Variants in MGRN1 observed in about 807,000 individuals in gnomAD.
The protein encoded by MGRN1 is E3 ubiquitin-protein ligase MGRN1.
MGRN1 carries 29 observed loss-of-function variants against 69.2 expected under a neutral mutation model. That is an observed-to-expected ratio of 0.42 (90% CI 0.31 to 0.57). The LOEUF (loss-of-function observed/expected upper bound fraction) is 0.57. Among genes scored for constraint, MGRN1 ranks in the 20% least tolerant of loss-of-function variants. MGRN1 has a pLI of 0.15. For missense variants in MGRN1, 998 were observed against 796.2 expected (o/e 1.25, Z -3.05); for synonymous variants, 470 against 344.2 (o/e 1.37, Z -4.04).
At chr16:4,647,470 CTTTT>C (rs1429998287) in intron 1 of MGRN1, among the ~76,000 whole-genome samples, 1 of 152,186 alleles carries the variant, frequency 6.6e-6, no homozygotes, top group Non-Finnish European at 1.5e-5. Flanking sequence ...TTCTTTCTTT[CTTTT>C]GATTTAAAAC....
At chr16:4,633,941 T>A (rs1438150802) in intron 1 of MGRN1, 1 of 152,122 alleles carries the variant, frequency 6.6e-6, no homozygotes, top group Non-Finnish European at 1.5e-5. Context: ...ATGGTCTCCA[T>A]CTCCTGACCT....
In MGRN1 at chr16:4,673,446, C is replaced by T. The variant is rs373114154; in HGVS notation, c.796-52C>T. 5.7e-6 allele frequency: 9 copies of T among 1,587,830 alleles called. No homozygotes were observed. In the African/African-American group the frequency reaches 1.1e-4, roughly 19 times the overall value. On this transcript the variant is annotated intron_variant, in intron 9 of 16. Transcript: ENST00000262370. ...GACAGCTGGGGACAGGAAGCAGGAG[C>T]CGTACTCTGGCCTTTGGGAGGCTGC... is the stretch of plus-strand genomic sequence containing the variant.
chr16:4,642,559 T>G (rs952070580), intron 1 of MGRN1, among the ~76,000 whole-genome samples: 1 of 151,388 alleles, frequency 6.6e-6, no homozygotes, highest in Non-Finnish European at 1.5e-5. Context: ...CTCCTGACCT[T>G]GTGATCCGCC....
At position 4,652,106 on chromosome 16, in the gene MGRN1, T is replaced by G; in HGVS notation, c.296+55T>G. Reference sequence around the variant, plus strand: ...TGGCTCTGTGGGGCGCAGCCTGTGGTGGAGGTTCTGGCTTGATGCTTGAGG... The same window carrying G: ...TGGCTCTGTGGGGCGCAGCCTGTGGGGGAGGTTCTGGCTTGATGCTTGAGG... On this transcript the variant is annotated intron_variant, in intron 3 of 16. Coordinates refer to ENST00000262370, the MANE Select transcript of MGRN1 (RefSeq NM_015246.4). The G allele has an allele frequency of 2.6e-6, 4 of 1,552,206 alleles. No homozygotes were observed. The South Asian group carries it at 4.5e-5, about 18-fold the overall frequency.
chr16:4,681,564 C>G lies in MGRN1; in HGVS notation c.1146C>G (p.Val382=), dbSNP rs767070519. The part of the protein sequence containing the change: ...KPKRETNSDS[V]PPGYEPISLL... Reference sequence around the variant, plus strand: ...TGTCCCTACAGAACTCTGACAGCGTCCCACCTGGCTACGAGCCCATCTCGC... The same window carrying G: ...TGTCCCTACAGAACTCTGACAGCGTGCCACCTGGCTACGAGCCCATCTCGC... The change falls in exon 13 of 17, where the codon GTC becomes GTG. Residue 382 remains valine, a synonymous_variant. Transcript: ENST00000262370. The G allele has an allele frequency of 1.2e-6, 2 of 1,612,936 alleles. No individual in the cohort carries two copies. The highest frequency in any genetic ancestry group is 1.7e-6 in the Non-Finnish European group (2 of 1,179,660).
intron 9 of MGRN1, chr16:4,672,615 A>T: frequency 2.7e-6 from 1 of 369,338 alleles, no homozygotes; most frequent in South Asian, 2.0e-5. Flanking sequence ...TCTCTGTTGC[A>T]CTGACTCCAC....
At chr16:4,665,065 C>G in intron 6 of MGRN1, 37 bp from the exon 7 acceptor site, 1 of 1,613,314 alleles carries the variant, frequency 6.2e-7, no homozygotes, top group Non-Finnish European at 8.5e-7. Flanking sequence ...TGGGGCAGGC[C>G]CCGACTCTGA....
chr16:4,677,186 C>A, intron 10 of MGRN1: 1 of 331,100 alleles, frequency 3.0e-6, no homozygotes, highest in Non-Finnish European at 5.5e-6. Context: ...TTCATTAATA[C>A]TGTGTTTGCG....
At chr16:4,633,717 AATTATT>A (rs1224262516) in intron 1 of MGRN1, 2 of 150,096 alleles carry the variant, frequency 1.3e-5, no homozygotes, top group Admixed American at 1.3e-4. Flanking sequence ...CAATAAAAAA[AATTATT>A]ATTATTATTA....
At chr16:4,678,852 G>A (rs1260216780) in intron 11 of MGRN1, among the ~76,000 whole-genome samples, 3 of 152,242 alleles carry the variant, frequency 2.0e-5, no homozygotes, top group Non-Finnish European at 4.4e-5. Flanking sequence ...TGCTCTAGAA[G>A]GCTCCTCCCA....
chr16:4,683,072 G>A, intron 14 of MGRN1, 126 bp downstream of exon 14: 1 of 1,482,212 alleles, frequency 6.7e-7, no homozygotes, highest in Non-Finnish European at 9.1e-7. Flanking sequence ...CTCTTGCTGA[G>A]CTGCGCGGCT....
chr16:4,688,512 C>A lies in MGRN1; in HGVS notation c.1619-284C>A, dbSNP rs1218424979. 31 of 1,206,230 alleles carry A rather than the reference C, an allele frequency of 2.6e-5. No homozygotes were observed. In the Admixed American group the frequency reaches 1.2e-3, roughly 46 times the overall value. The allele number at this position is 1,206,230 out of a possible 1,614,324, so 74.7% of individuals were successfully genotyped here. ...AAGGGCAGGAGGCCCAGAGGGCATC[C>A]ACCGCGGTGCCGTGTCGCGCTCTGA... On this transcript the variant is annotated intron_variant, in intron 16 of 16. Coordinates refer to ENST00000262370, the MANE Select transcript of MGRN1 (RefSeq NM_015246.4).
chr16:4,671,579 A>G (rs1441555038), intron 9 of MGRN1, 120 bp downstream of exon 9: 5 of 840,624 alleles, frequency 5.9e-6, no homozygotes, highest in Non-Finnish European at 7.8e-6. Flanking sequence ...GACCCGCTAG[A>G]CAACATCATT....
intron 3 of MGRN1, 83 bp downstream of exon 3, chr16:4,652,134 A>G (rs865836917): frequency 7.1e-7 from 1 of 1,410,660 alleles, no homozygotes. Flanking sequence ...GCTTGAGGAA[A>G]AGGGCAGGCG....
At chr16:4,634,077 G>A (rs1264303574) in intron 1 of MGRN1, among the ~76,000 whole-genome samples, 1 of 152,212 alleles carries the variant, frequency 6.6e-6, no homozygotes, top group Non-Finnish European at 1.5e-5. Flanking sequence ...GCGTGTGGTG[G>A]GAGGAGCACT....
intron 12 of MGRN1, 28 bp downstream of exon 12, chr16:4,680,125 T>G (rs1184031487): frequency 6.2e-7 from 1 of 1,609,976 alleles, no homozygotes; most frequent in Non-Finnish European, 8.5e-7. Flanking sequence ...CGGCTACGTT[T>G]TTTTGCCCCC....
At chr16:4,648,124 G>A (rs2078313147) in intron 1 of MGRN1, among the ~76,000 whole-genome samples, 1 of 152,142 alleles carries the variant, frequency 6.6e-6, no homozygotes, top group African/African-American at 2.4e-5. Context: ...GCCCCCAGTG[G>A]GAATTCTGAG....
chr16:4,642,418 C>G (rs1027361579), intron 1 of MGRN1, among the ~76,000 whole-genome samples: 5 of 151,762 alleles, frequency 3.3e-5, no homozygotes, highest in Non-Finnish European at 7.3e-5. Context: ...CTGCCTCAGC[C>G]TTCTGAGTAG....
chr16:4,630,205 A>G (rs1897927391), intron 1 of MGRN1, among the ~76,000 whole-genome samples: 1 of 151,694 alleles, frequency 6.6e-6, no homozygotes, highest in South Asian at 2.1e-4. Context: ...ACAAAAAATT[A>G]GTTGGGTGTG....
Sources: gnomAD v4.1 joint callset for allele counts (sites outside exome capture counted in the v4.1 genomes callset) on GRCh38, gnomAD v4.1.1 for gene constraint, MANE v1.5 for transcripts, NCBI Gene and HGNC (gene_info 2026-07-23, HGNC 2026-07-21) for gene names.